The following IQCM variants were observed in gnomAD, a reference collection of about 807,000 sequenced individuals.
IQCM encodes IQ domain-containing protein M.
Under a neutral mutation model 57.6 loss-of-function variants are expected in IQCM, and 45 were observed. The observed-to-expected ratio is 0.78, with a 90% CI of 0.62 to 1.00. The LOEUF (loss-of-function observed/expected upper bound fraction) is 1.00, where lower values mean the gene tolerates loss of function less well. IQCM is among the 50% of genes least tolerant of loss of function. The pLI is 0.00. For synonymous variants in IQCM, 148 were observed against 158.9 expected, an observed-to-expected ratio of 0.93 and a Z score of 0.51; for missense variants, 468 against 511.6, an observed-to-expected ratio of 0.91 and a Z score of 0.82.
chr4:149,516,527 A>G lies in IQCM; in HGVS notation c.1228+31928T>C, dbSNP rs28868888. Reference sequence around the variant, plus strand: ...AGAATGGCCTATTGAAGTCACAATTACAATGCCAACTAGGTAACAATACTT... The same window carrying G: ...AGAATGGCCTATTGAAGTCACAATTGCAATGCCAACTAGGTAACAATACTT... On this transcript the variant is annotated intron_variant, in intron 12 of 13. Coordinates refer to ENST00000636793, the MANE Select transcript of IQCM (RefSeq NM_001363507.2). Among the ~76,000 whole-genome samples, 1,486 of 152,322 alleles carry G rather than the reference A, an allele frequency of 9.8e-3. 29 individuals carry two copies. The highest frequency in any genetic ancestry group is 0.034 in the African/African-American group (1,413 of 41,562).
intron 12 of IQCM, among the ~76,000 whole-genome samples, chr4:149,518,919 T>A (rs1745286891): frequency 6.6e-6 from 1 of 151,954 alleles, no homozygotes; most frequent in Non-Finnish European, 1.5e-5. Context: ...AGGGAAGAGG[T>A]AAAAAGGAAA....
At chr4:149,528,418 T>C (rs1241847443) in intron 12 of IQCM, among the ~76,000 whole-genome samples, 3 of 151,800 alleles carry the variant, frequency 2.0e-5, no homozygotes, top group African/African-American at 7.2e-5. Flanking sequence ...AAATATTTTA[T>C]AAAATTACAT....
At chr4:149,411,322 G>C (rs1560813737) in intron 13 of IQCM, among the ~76,000 whole-genome samples, 1 of 152,040 alleles carries the variant, frequency 6.6e-6, no homozygotes, top group Admixed American at 6.6e-5. Flanking sequence ...TTGTTTAACA[G>C]TTCAAAATAT....
chr4:149,364,975 T>C (rs1365506800), intron 13 of IQCM, among the ~76,000 whole-genome samples: 1 of 152,028 alleles, frequency 6.6e-6, no homozygotes, highest in Non-Finnish European at 1.5e-5. Flanking sequence ...ATGGATTATA[T>C]ATATATATAA....
intron 13 of IQCM, among the ~76,000 whole-genome samples, chr4:149,386,882 T>C (rs1041950390): frequency 1.3e-5 from 2 of 152,018 alleles, no homozygotes; most frequent in Admixed American, 1.3e-4. Flanking sequence ...CTCAAAAGGT[T>C]TTAATAGGTT....
intron 13 of IQCM, among the ~76,000 whole-genome samples, chr4:149,368,898 ATACACGTGTATATATATGTG>A (rs1730104656): frequency 2.1e-5 from 2 of 94,372 alleles, no homozygotes. Context: ...ATGTATATAT[ATACACGTGTATATATATGTG>A]TATATATATA....
chr4:149,678,895 G>A (rs1054025055), intron 7 of IQCM, among the ~76,000 whole-genome samples: 1 of 151,620 alleles, frequency 6.6e-6, no homozygotes, highest in East Asian at 1.9e-4. Flanking sequence ...AGATGCTGAT[G>A]ATATGAAGAA....
chr4:149,448,852 C>A (rs1402206875), intron 12 of IQCM, among the ~76,000 whole-genome samples: 2 of 151,654 alleles, frequency 1.3e-5, no homozygotes, highest in Admixed American at 6.6e-5. Flanking sequence ...ACAAAAGACA[C>A]CTACATGCCC....
intron 12 of IQCM, among the ~76,000 whole-genome samples, chr4:149,453,101 A>G (rs1737308759): frequency 6.6e-6 from 1 of 151,670 alleles, no homozygotes; most frequent in African/African-American, 2.4e-5. Flanking sequence ...AAACAATTAG[A>G]AATAATCTTA....
intron 12 of IQCM, among the ~76,000 whole-genome samples, chr4:149,462,522 C>T (rs1255367434): frequency 6.6e-6 from 1 of 152,160 alleles, no homozygotes; most frequent in African/African-American, 2.4e-5. Flanking sequence ...TACAACAGCA[C>T]CTACCACCTA....
chr4:149,393,468 GA>G (rs1732006169), intron 13 of IQCM, among the ~76,000 whole-genome samples: 1 of 151,528 alleles, frequency 6.6e-6, no homozygotes, highest in Non-Finnish European at 1.5e-5. Context: ...GAATATAATG[GA>G]AAAGATAAAA....
intron 7 of IQCM, among the ~76,000 whole-genome samples, chr4:149,629,972 C>T (rs371263454): frequency 9.2e-4 from 5 of 5,442 alleles, no homozygotes; most frequent in Admixed American, 4.4e-3. Context: ...TTTTTGGGAG[C>T]GGGTGTGGGG....
chr4:149,459,839 A>G (rs1738085117), intron 12 of IQCM, among the ~76,000 whole-genome samples: 1 of 152,178 alleles, frequency 6.6e-6, no homozygotes, highest in Non-Finnish European at 1.5e-5. Context: ...TTACCCATCA[A>G]TAGACATTTT....
intron 5 of IQCM, among the ~76,000 whole-genome samples, chr4:149,686,825 A>T (rs1394885548): frequency 6.6e-6 from 1 of 151,506 alleles, no homozygotes; most frequent in East Asian, 1.9e-4. Context: ...CACAAAGCTT[A>T]GTTCTTACAG....
chr4:149,556,896 A>C (rs889124310), intron 10 of IQCM, among the ~76,000 whole-genome samples: 1 of 152,118 alleles, frequency 6.6e-6, no homozygotes, highest in Non-Finnish European at 1.5e-5. Flanking sequence ...ACTCATTTTG[A>C]TCTGAGTCAA....
At chr4:149,460,048 G>T (rs551834432) in intron 12 of IQCM, among the ~76,000 whole-genome samples, 198 of 152,192 alleles carry the variant, frequency 1.3e-3, no homozygotes, top group Middle Eastern at 6.8e-3. Context: ...GTACACAAGG[G>T]TTCCAATTTC....
chr4:149,733,796 G>A (rs1364607245), intron 4 of IQCM, among the ~76,000 whole-genome samples: 2 of 152,078 alleles, frequency 1.3e-5, no homozygotes, highest in Admixed American at 1.3e-4. Context: ...TCTCCCCAAA[G>A]TGATATTTTT....
intron 8 of IQCM, among the ~76,000 whole-genome samples, chr4:149,591,533 T>C (rs1424170822): frequency 6.6e-6 from 1 of 152,048 alleles, no homozygotes; most frequent in Non-Finnish European, 1.5e-5. Context: ...ACATGTGCCA[T>C]AATGGTGTGC....
intron 5 of IQCM, among the ~76,000 whole-genome samples, chr4:149,705,919 A>G (rs1274354271): frequency 1.3e-5 from 2 of 151,838 alleles, no homozygotes; most frequent in African/African-American, 4.8e-5. Flanking sequence ...CACAAATAAA[A>G]AAAAAAATTC....
Sources: allele counts gnomAD v4.1 joint callset (sites outside exome capture counted in the v4.1 genomes callset), GRCh38; gene constraint gnomAD v4.1.1; transcripts MANE v1.5; gene names NCBI Gene and HGNC (gene_info 2026-07-23, HGNC 2026-07-21).